PIP4K2A: variants seen among roughly 807,000 people sequenced by gnomAD.
PIP4K2A encodes phosphatidylinositol 5-phosphate 4-kinase type-2 alpha.
PIP4K2A carries 14 observed loss-of-function variants against 42.9 expected under a neutral mutation model. That is an observed-to-expected ratio of 0.33 (90% CI 0.22 to 0.51). The LOEUF is 0.51. PIP4K2A is among the 20% of genes least tolerant of loss of function. The pLI, the probability that PIP4K2A is intolerant of heterozygous loss-of-function variation, is 0.97. For synonymous variants in PIP4K2A, 192 were observed against 192.2 expected (o/e 1.00, Z 0.01); for missense variants, 434 against 519.8 (o/e 0.83, Z 1.61).
chr10:22,547,178 C>T (rs2130752647), intron 7 of PIP4K2A, among the ~76,000 whole-genome samples: 1 of 152,300 alleles, frequency 6.6e-6, no homozygotes, highest in Non-Finnish European at 1.5e-5. Context: ...ACCACATCAC[C>T]ATCTCCCAAC....
rs142114938 is a variant in PIP4K2A at position 22,607,917 on chromosome 10, C to T, written c.339+10G>A. 3.7e-4 allele frequency: 590 copies of T among 1,588,390 alleles called. 3 individuals are homozygous for T. In the African/African-American group the frequency reaches 5.8e-3, roughly 16 times the overall value. ...TCCTACTGGAAGCAAATGTTACAAACGCAACTCACCTGGAAATCTTGATCA... is the reference window on the plus strand; with the variant it reads ...TCCTACTGGAAGCAAATGTTACAAATGCAACTCACCTGGAAATCTTGATCA... On this transcript the variant is annotated intron_variant, in intron 3 of 9. Transcript: ENST00000376573.
chr10:22,608,843 C>T (rs746509777), intron 2 of PIP4K2A, among the ~76,000 whole-genome samples: 13 of 152,180 alleles, frequency 8.5e-5, no homozygotes, highest in Non-Finnish European at 8.8e-5. Context: ...CACCACTGCA[C>T]ACCAGCCTGA....
intron 6 of PIP4K2A, among the ~76,000 whole-genome samples, chr10:22,553,585 TCA>T (rs1181244939): frequency 1.3e-5 from 2 of 152,180 alleles, no homozygotes; most frequent in African/African-American, 4.8e-5. Context: ...AACTAAGGTC[TCA>T]GAGTTTGGTG....
chr10:22,563,415 T>C (rs1040256516), intron 6 of PIP4K2A, among the ~76,000 whole-genome samples: 1 of 152,204 alleles, frequency 6.6e-6, no homozygotes, highest in African/African-American at 2.4e-5. Context: ...GCTCTTCAAA[T>C]AGAGGAAATA....
chr10:22,576,635 A>G (rs945462348), intron 4 of PIP4K2A, among the ~76,000 whole-genome samples: 4 of 152,214 alleles, frequency 2.6e-5, no homozygotes, highest in Admixed American at 1.3e-4. Context: ...CTGGGAGGTA[A>G]TAATAGTACT....
At chr10:22,576,894 C>T (rs765030352) in intron 4 of PIP4K2A, among the ~76,000 whole-genome samples, 10 of 151,804 alleles carry the variant, frequency 6.6e-5, no homozygotes, top group Non-Finnish European at 1.2e-4. Context: ...TGGCCAACAG[C>T]GAAACCTCGT....
intron 1 of PIP4K2A, among the ~76,000 whole-genome samples, chr10:22,685,447 C>A (rs72816862): frequency 0.032 from 4,899 of 152,232 alleles, 118 homozygotes; most frequent in Middle Eastern, 0.078. Flanking sequence ...GTGATCCCAG[C>A]TCTTTGGGAG....
intron 5 of PIP4K2A, among the ~76,000 whole-genome samples, chr10:22,570,866 A>G (rs552200631): frequency 1.3e-5 from 2 of 152,056 alleles, no homozygotes; most frequent in Non-Finnish European, 2.9e-5. Flanking sequence ...GAAAAAAACC[A>G]GCACCATCTA....
chr10:22,657,242 C>T (rs1002920253), intron 1 of PIP4K2A, among the ~76,000 whole-genome samples: 9 of 152,192 alleles, frequency 5.9e-5, no homozygotes, highest in African/African-American at 1.9e-4. Context: ...CTGTTGGCAA[C>T]GCAGTACTTT....
At position 22,696,670 on chromosome 10, in the gene PIP4K2A, T is replaced by C. The variant is rs150504629; in HGVS notation, c.144+17513A>G. 5.3e-5 allele frequency among the ~76,000 whole-genome samples: 8 copies of C among 152,282 alleles called. No homozygotes were observed. In the East Asian group the frequency reaches 1.3e-3, roughly 26 times the overall value. ...TTTGAAGTTAATGAAAAATTACATA[T>C]AGTTTATTCATACTGAAAAGTCACC... On this transcript the variant is annotated intron_variant, in intron 1 of 9. Transcript: ENST00000376573.
chr10:22,546,582 T>G (rs557348928), intron 7 of PIP4K2A, among the ~76,000 whole-genome samples: 1 of 152,094 alleles, frequency 6.6e-6, no homozygotes, highest in Non-Finnish European at 1.5e-5. Flanking sequence ...TGGCTAATTT[T>G]TAAAACTTTG....
Position 22,590,721 on chromosome 10 carries a change from T to C in PIP4K2A, c.492+908A>G, listed in dbSNP as rs572764759. 1.8e-4 allele frequency among the ~76,000 whole-genome samples: 28 copies of C among 151,978 alleles called. No individual in the cohort carries two copies. The South Asian group carries it at 5.4e-3, about 29-fold the overall frequency. On this transcript the variant is annotated intron_variant, in intron 4 of 9. Transcript: ENST00000376573. ...TCTATAAAAACACAACTTAAAAAAATTGGCCAGGCATGGTGGTGCATACCT... is the reference window on the plus strand; with the variant it reads ...TCTATAAAAACACAACTTAAAAAAACTGGCCAGGCATGGTGGTGCATACCT...
intron 1 of PIP4K2A, among the ~76,000 whole-genome samples, chr10:22,652,368 G>A (rs921157360): frequency 2.6e-5 from 4 of 152,068 alleles, no homozygotes; most frequent in African/African-American, 7.2e-5. Context: ...TGATCCGCCT[G>A]CCTCATCCTC....
chr10:22,551,840 T>C (rs1036467778), intron 6 of PIP4K2A, among the ~76,000 whole-genome samples: 11 of 152,146 alleles, frequency 7.2e-5, no homozygotes, highest in Admixed American at 2.6e-4. Flanking sequence ...CCCTCCTTAT[T>C]CAGAGCAATG....
At chr10:22,686,178 G>C (rs540798914) in intron 1 of PIP4K2A, among the ~76,000 whole-genome samples, 1 of 152,154 alleles carries the variant, frequency 6.6e-6, no homozygotes, top group African/African-American at 2.4e-5. Context: ...ATAATTTCAG[G>C]AACAGGAAAC....
At chr10:22,564,290 A>G (rs1836784306) in intron 6 of PIP4K2A, among the ~76,000 whole-genome samples, 1 of 152,228 alleles carries the variant, frequency 6.6e-6, no homozygotes, top group African/African-American at 2.4e-5. Context: ...CCACGCCATT[A>G]GCTGTAACTG....
At chr10:22,609,510 C>G (rs1775033991) in intron 2 of PIP4K2A, 110 bp downstream of exon 2, 1 of 694,652 alleles carries the variant, frequency 1.4e-6, no homozygotes. Context: ...TTAACTTCAT[C>G]AGCAAAACTT....
chr10:22,689,349 G>C (rs905876832), intron 1 of PIP4K2A, among the ~76,000 whole-genome samples: 3 of 152,166 alleles, frequency 2.0e-5, no homozygotes, highest in African/African-American at 7.2e-5. Flanking sequence ...TCACCTAGAT[G>C]AAGCCCACAC....
chr10:22,655,835 G>A (rs188819533), intron 1 of PIP4K2A, among the ~76,000 whole-genome samples: 2 of 152,188 alleles, frequency 1.3e-5, no homozygotes. Flanking sequence ...TTGTGCAAGA[G>A]TGGAGTTTCC....
Sources: gnomAD v4.1 joint callset for allele counts (sites outside exome capture counted in the v4.1 genomes callset) on GRCh38, gnomAD v4.1.1 for gene constraint, MANE v1.5 for transcripts, NCBI Gene and HGNC (gene_info 2026-07-23, HGNC 2026-07-21) for gene names.